The following MKLN1 variants were observed in gnomAD, a reference collection of about 807,000 sequenced individuals.
MKLN1 encodes muskelin 1.
Under a neutral mutation model 99.0 loss-of-function variants are expected in MKLN1, and 18 were observed. That is an observed-to-expected ratio of 0.18 (90% confidence interval 0.13 to 0.27). The LOEUF is 0.27. MKLN1 is among the 10% of genes least tolerant of loss of function. The pLI, the probability that MKLN1 is intolerant of heterozygous loss-of-function variation, is 1.00. For synonymous variants in MKLN1, 288 were observed against 293.2 expected, an observed-to-expected ratio of 0.98 and a Z score of 0.18; for missense variants, 621 against 875.9, an observed-to-expected ratio of 0.71 and a Z score of 3.67.
At chr7:131,483,157 C>T (rs1324753889) in intron 17 of MKLN1, among the ~76,000 whole-genome samples, 1 of 152,134 alleles carries the variant, frequency 6.6e-6, no homozygotes, top group Non-Finnish European at 1.5e-5. Flanking sequence ...GGTTTAGAAT[C>T]AATATCATCA....
intron 1 of MKLN1, among the ~76,000 whole-genome samples, chr7:131,354,660 T>TC (rs1799821792): frequency 6.6e-6 from 1 of 152,146 alleles, no homozygotes. Flanking sequence ...GATTTTTGAA[T>TC]TAGGGAGTGT....
At chr7:131,450,745 C>G (rs1162599356) in intron 12 of MKLN1, among the ~76,000 whole-genome samples, 1 of 152,234 alleles carries the variant, frequency 6.6e-6, no homozygotes, top group African/African-American at 2.4e-5. Flanking sequence ...CCTCTCAGAT[C>G]TTAGCTTGTA....
intron 1 of MKLN1, among the ~76,000 whole-genome samples, chr7:131,370,992 C>T (rs1051116244): frequency 3.9e-5 from 6 of 152,070 alleles, no homozygotes; most frequent in Admixed American, 6.6e-5. Flanking sequence ...AACCTCACTC[C>T]GTTTCTGGTC....
At chr7:131,149,046 G>A (rs960287508) in intron 2 of MKLN1, among the ~76,000 whole-genome samples, 1 of 152,108 alleles carries the variant, frequency 6.6e-6, no homozygotes, top group Non-Finnish European at 1.5e-5. Flanking sequence ...TGGGGCAGGC[G>A]GTGGGGCAGA....
chr7:131,231,904 A>G (rs887985479), intron 3 of MKLN1, among the ~76,000 whole-genome samples: 11 of 152,228 alleles, frequency 7.2e-5, no homozygotes, highest in Non-Finnish European at 1.5e-4. Flanking sequence ...ATAAAAATAA[A>G]ACGTGTGATT....
intron 3 of MKLN1, among the ~76,000 whole-genome samples, chr7:131,300,855 G>T (rs1348549361): frequency 6.6e-6 from 1 of 152,124 alleles, no homozygotes; most frequent in Admixed American, 6.6e-5. Context: ...TGATGGATAC[G>T]GTGGGAAGGC....
chr7:131,340,569 G>A (rs975041294), intron 1 of MKLN1, among the ~76,000 whole-genome samples: 6 of 152,160 alleles, frequency 3.9e-5, no homozygotes, highest in East Asian at 1.9e-4. Flanking sequence ...GTGAGCCACC[G>A]TGCCCGGCTT....
At chr7:131,111,762 T>C (rs1489397263) in intron 1 of MKLN1, among the ~76,000 whole-genome samples, 2 of 102,258 alleles carry the variant, frequency 2.0e-5, no homozygotes, top group East Asian at 2.7e-4. Context: ...ACTTCTAAAA[T>C]GAAACGCATA....
intron 17 of MKLN1, among the ~76,000 whole-genome samples, chr7:131,480,834 C>T (rs1021739322): frequency 2.6e-5 from 4 of 152,076 alleles, no homozygotes; most frequent in Non-Finnish European, 4.4e-5. Flanking sequence ...CAGCCCAGGC[C>T]CATTATTTTA....
At chr7:131,374,408 A>G (rs1793571472) in intron 1 of MKLN1, among the ~76,000 whole-genome samples, 1 of 152,102 alleles carries the variant, frequency 6.6e-6, no homozygotes, top group South Asian at 2.1e-4. Flanking sequence ...TATTACGGTA[A>G]ACACAAGTTT....
intron 3 of MKLN1, among the ~76,000 whole-genome samples, chr7:131,225,270 C>T (rs1413981394): frequency 2.0e-5 from 3 of 152,118 alleles, no homozygotes; most frequent in Non-Finnish European, 4.4e-5. Context: ...TAAGCAGCAC[C>T]TTCTTGCTGT....
At chr7:131,276,157 A>C (rs1797972136) in intron 3 of MKLN1, among the ~76,000 whole-genome samples, 1 of 152,212 alleles carries the variant, frequency 6.6e-6, no homozygotes, top group African/African-American at 2.4e-5. Context: ...AAACCACAGA[A>C]GCATTTCCTC....
intron 2 of MKLN1, among the ~76,000 whole-genome samples, chr7:131,148,884 G>A (rs775994049): frequency 6.6e-6 from 1 of 152,190 alleles, no homozygotes; most frequent in Non-Finnish European, 1.5e-5. Context: ...TTTTTAAAAC[G>A]AATGAAGGAG....
At chr7:131,179,130 T>C (rs1035115235) in intron 2 of MKLN1, among the ~76,000 whole-genome samples, 1 of 152,252 alleles carries the variant, frequency 6.6e-6, no homozygotes, top group Non-Finnish European at 1.5e-5. Flanking sequence ...ATTGTGAATA[T>C]GTTGAAGAAG....
intron 1 of MKLN1, among the ~76,000 whole-genome samples, chr7:131,122,971 C>T (rs575110932): frequency 8.2e-6 from 1 of 122,612 alleles, no homozygotes. Context: ...TGCAGTGAGC[C>T]GAGATAGCGC....
chr7:131,167,184 C>T (rs1199935325), intron 2 of MKLN1, among the ~76,000 whole-genome samples: 1 of 152,018 alleles, frequency 6.6e-6, no homozygotes, highest in Non-Finnish European at 1.5e-5. Flanking sequence ...TGAAATGATC[C>T]ACTGTTTTCA....
chr7:131,242,972 C>G, intron 3 of MKLN1: 1 of 632,516 alleles, frequency 1.6e-6, no homozygotes, highest in Non-Finnish European at 3.0e-6. Context: ...CAGGCAAGAA[C>G]AAGCGGTTCT....
intron 2 of MKLN1, 115 bp from the exon 3 acceptor site, chr7:131,387,005 C>A (rs944287360): frequency 1.1e-6 from 1 of 925,068 alleles, no homozygotes; most frequent in Non-Finnish European, 1.6e-6. Context: ...TCTGCTAGTA[C>A]AGGATGGACA....
chr7:131,240,438 CT>C (rs1797385700), intron 3 of MKLN1, among the ~76,000 whole-genome samples: 1 of 151,982 alleles, frequency 6.6e-6, no homozygotes, highest in African/African-American at 2.4e-5. Flanking sequence ...AGAAAGAGAT[CT>C]CAATAACTAT....
Sources: gnomAD v4.1 joint callset for allele counts (sites outside exome capture counted in the v4.1 genomes callset) on GRCh38, gnomAD v4.1.1 for gene constraint, MANE v1.5 for transcripts, NCBI Gene and HGNC (gene_info 2026-07-23, HGNC 2026-07-21) for gene names.